SPATA18: variants seen among roughly 807,000 people sequenced by gnomAD.
The protein encoded by SPATA18 is spermatogenesis associated 18.
SPATA18 carries 54 observed loss-of-function variants against 68.1 expected under a neutral mutation model. The ratio of observed to expected loss-of-function variants is 0.79; its 90% CI spans 0.64 to 0.99. SPATA18 has a LOEUF of 0.99. Among genes scored for constraint, SPATA18 ranks in the 50% least tolerant of loss-of-function variants. The pLI is 0.00. For missense variants in SPATA18, 724 were observed against 681.1 expected, an observed-to-expected ratio of 1.06 and a Z score of -0.70; for synonymous variants, 242 against 244.8, an observed-to-expected ratio of 0.99 and a Z score of 0.11.
At chr4:52,074,283 G>T (rs1740119436) in intron 6 of SPATA18, among the ~76,000 whole-genome samples, 1 of 152,158 alleles carries the variant, frequency 6.6e-6, no homozygotes, top group Admixed American at 6.5e-5. Context: ...ATAATTTTTA[G>T]CAGTGCCACA....
At chr4:52,083,107 C>A (rs1184577257) in intron 10 of SPATA18, 2 of 985,048 alleles carry the variant, frequency 2.0e-6, no homozygotes, top group Non-Finnish European at 2.4e-6. Context: ...AAAAAGGAGT[C>A]TTAGGTACCG....
chr4:52,082,986 A>G (rs1333714893), intron 10 of SPATA18: 1 of 985,290 alleles, frequency 1.0e-6, no homozygotes, highest in African/African-American at 1.7e-5. Flanking sequence ...CAAAGAGGGC[A>G]GAGGAGGTGG....
intron 11 of SPATA18, among the ~76,000 whole-genome samples, chr4:52,093,910 T>C (rs1742196050): frequency 6.6e-6 from 1 of 152,224 alleles, no homozygotes; most frequent in Non-Finnish European, 1.5e-5. Flanking sequence ...ACCTGCAAAA[T>C]AAAATACAAA....
chr4:52,070,888 G>T (rs1438129119), intron 5 of SPATA18, among the ~76,000 whole-genome samples: 2 of 151,658 alleles, frequency 1.3e-5, no homozygotes, highest in African/African-American at 2.4e-5. Flanking sequence ...AGTGGGGGGG[G>T]GGGTGTTTTA....
chr4:52,087,720 T>C (rs901977085), intron 11 of SPATA18, among the ~76,000 whole-genome samples: 3 of 152,200 alleles, frequency 2.0e-5, no homozygotes, highest in Non-Finnish European at 2.9e-5. Flanking sequence ...TCTAGCTTTG[T>C]TCTTCTTGCC....
At chr4:52,092,517 G>T (rs1742060247) in intron 11 of SPATA18, among the ~76,000 whole-genome samples, 1 of 152,194 alleles carries the variant, frequency 6.6e-6, no homozygotes, top group South Asian at 2.1e-4. Flanking sequence ...CCATACATTG[G>T]CTTGCCCTCC....
chr4:52,074,460 G>A (rs35313634), intron 6 of SPATA18, among the ~76,000 whole-genome samples: 70,740 of 151,942 alleles, frequency 0.47, 19,958 homozygotes, highest in Non-Finnish European at 0.64. Flanking sequence ...GGGGCGCAGC[G>A]GTGGTGTTCA....
rs765225688 is a variant in SPATA18 at position 52,082,419 on chromosome 4, C to T, written c.1388C>T (p.Ala463Val). 5.0e-6 allele frequency: 8 copies of T among 1,614,046 alleles called. No homozygotes were observed. The Admixed American group carries it at 1.0e-4, about 20-fold the overall frequency. ...CGCAGCTACGACTCGGATTTCACTGCTCCCTTAGTCCTCTATCACGTGTGG... is the reference window on the plus strand; with the variant it reads ...CGCAGCTACGACTCGGATTTCACTGTTCCCTTAGTCCTCTATCACGTGTGG... ...YRRSYDSDFT[A>V]PLVLYHVWPA... The change falls in exon 10 of 13, where the codon GCT becomes GTT. Residue 463 changes from alanine to valine, a missense_variant. Coordinates refer to ENST00000295213, the MANE Select transcript of SPATA18 (RefSeq NM_145263.4).
At chr4:52,073,130 C>T (rs1740010663) in intron 6 of SPATA18, among the ~76,000 whole-genome samples, 3 of 152,174 alleles carry the variant, frequency 2.0e-5, no homozygotes. Flanking sequence ...ATCATTCTGT[C>T]AGTGTTGTGT....
At chr4:52,067,596 C>A (rs1365046153) in intron 4 of SPATA18, among the ~76,000 whole-genome samples, 2 of 152,136 alleles carry the variant, frequency 1.3e-5, no homozygotes, top group African/African-American at 2.4e-5. Context: ...GCATGCCTGG[C>A]TCTTTATTAT....
chr4:52,079,836 T>G lies in SPATA18; in HGVS notation c.1272T>G (p.Cys424Trp), dbSNP rs1283758477. The change falls in exon 9 of 13, where the codon TGT becomes TGG. Residue 424 changes from cysteine to tryptophan, a missense_variant. Cys to Trp is a radical substitution (Grantham distance 215, BLOSUM62 -2). Transcript: ENST00000295213. The part of the protein sequence containing the change: ...CLLSDFIQEI[C>W]CIAFAMQALE... ...TCAGTGACTTCATCCAGGAGATATG[T>G]TGCATTGCCTTTGCAATGCAGGCCT... 2 of 1,613,956 alleles carry G rather than the reference T, an allele frequency of 1.2e-6. No individual in the cohort carries two copies. Among genetic ancestry groups the G allele is most frequent in the Admixed American group, 3.3e-5 (2 of 60,002 alleles).
At chr4:52,088,903 G>A (rs536268015) in intron 11 of SPATA18, among the ~76,000 whole-genome samples, 7 of 152,028 alleles carry the variant, frequency 4.6e-5, no homozygotes, top group East Asian at 1.9e-4. Context: ...CTGTGAATCC[G>A]TCTGGTCCTG....
At chr4:52,052,696 C>T (rs1041745666) in intron 1 of SPATA18, among the ~76,000 whole-genome samples, 1 of 152,178 alleles carries the variant, frequency 6.6e-6, no homozygotes, top group Non-Finnish European at 1.5e-5. Flanking sequence ...GTCTTAGTAC[C>T]TCATCTGTGA....
intron 11 of SPATA18, among the ~76,000 whole-genome samples, chr4:52,087,916 T>C (rs980580928): frequency 7.2e-5 from 11 of 152,206 alleles, no homozygotes; most frequent in African/African-American, 2.7e-4. Context: ...GGAATATGTT[T>C]CCATTTATTT....
In SPATA18 at chr4:52,076,694, C is replaced by A. The variant is rs759642476; in HGVS notation, c.759-85C>A. On this transcript the variant is annotated intron_variant, in intron 6 of 12. Transcript: ENST00000295213. The stretch of plus-strand genomic sequence containing the variant: ...ATAAGGAGTTTTGCCTCCGGATGGT[C>A]GGATTCATTGGCCACCAGATGATCT... 1.1e-5 allele frequency: 17 copies of A among 1,563,456 alleles called. No homozygotes were observed. In the South Asian group the frequency reaches 1.8e-4, roughly 17 times the overall value.
rs1367695242 is a variant in SPATA18 at position 52,051,615 on chromosome 4, C to T, written c.-90C>T. On this transcript the variant is annotated 5_prime_UTR_variant, in exon 1 of 13. Coordinates refer to ENST00000295213, the MANE Select transcript of SPATA18 (RefSeq NM_145263.4). ...GCCCCCCAGAAGAGAACACCCTTCC[C>T]GCCATATCACCCCACGGTCCTGCGG... 4.1e-6 allele frequency: 5 copies of T among 1,220,256 alleles called. No homozygotes were observed. The African/African-American group carries it at 4.5e-5, about 11-fold the overall frequency. 75.6% of individuals were successfully genotyped at this position (1,220,256 alleles called of 1,614,324 possible).
At chr4:52,071,132 G>A (rs997336295) in intron 5 of SPATA18, among the ~76,000 whole-genome samples, 5 of 152,212 alleles carry the variant, frequency 3.3e-5, no homozygotes, top group African/African-American at 1.2e-4. Flanking sequence ...TTTACTGTTT[G>A]TAGTGCAGCT....
At chr4:52,083,292 C>T (rs1351654557) in intron 10 of SPATA18, 4 of 985,264 alleles carry the variant, frequency 4.1e-6, no homozygotes, top group African/African-American at 1.7e-5. Flanking sequence ...ATCTCTGTTC[C>T]TGTTCTCCTT....
Position 52,076,779 on chromosome 4 carries a change from G to C in SPATA18, c.759G>C (p.Arg253Ser). The change falls in exon 7 of 13, where the codon AGG becomes AGC. Residue 253 changes from arginine to serine, a missense_variant and splice_region_variant. Coordinates refer to ENST00000295213, the MANE Select transcript of SPATA18 (RefSeq NM_145263.4). ...LSAEKSALQG[R>S]SSRSRSPSPA... is the part of the protein sequence containing the mutation. ...CTGGCTGATTCTCGCTCACCAACAGGTCCTCCAGGAGCCGGTCTCCCAGCC... is the reference window on the plus strand; with the variant it reads ...CTGGCTGATTCTCGCTCACCAACAGCTCCTCCAGGAGCCGGTCTCCCAGCC... 6.2e-7 allele frequency: 1 copy of C among 1,612,910 alleles called. No homozygotes were observed. The highest frequency in any genetic ancestry group is 1.1e-5 in the South Asian group (1 of 90,952).
Sources: allele counts gnomAD v4.1 joint callset (sites outside exome capture counted in the v4.1 genomes callset), GRCh38; gene constraint gnomAD v4.1.1; transcripts MANE v1.5; gene names NCBI Gene and HGNC (gene_info 2026-07-23, HGNC 2026-07-21).